TNFRSF21: variants seen among roughly 807,000 people sequenced by gnomAD.
The protein encoded by TNFRSF21 is TNF receptor superfamily member 21, also known as tumor necrosis factor receptor superfamily member 21.
In TNFRSF21, 19 loss-of-function variants were observed where a neutral mutation model predicts 45.6. That is an observed-to-expected ratio of 0.42 (90% CI 0.29 to 0.61). TNFRSF21 has a LOEUF of 0.61. Ranked by LOEUF, TNFRSF21 falls within the 20% of genes least tolerant of loss-of-function variation. The pLI is 0.23. For synonymous variants in TNFRSF21, 314 were observed against 335.5 expected, an observed-to-expected ratio of 0.94 and a Z score of 0.70; for missense variants, 737 against 851.5, an observed-to-expected ratio of 0.87 and a Z score of 1.67.
chr6:47,297,676 C>A (rs1005112980), intron 1 of TNFRSF21, among the ~76,000 whole-genome samples: 15 of 152,120 alleles, frequency 9.9e-5, no homozygotes, highest in African/African-American at 3.4e-4. Flanking sequence ...GCGTGTGCCA[C>A]CATATCCAGC....
rs1464392583 is a variant in TNFRSF21 at position 47,282,638 on chromosome 6, T to C, written c.1243+1300A>G. Among the ~76,000 whole-genome samples, 4 of 152,114 alleles carry C rather than the reference T, an allele frequency of 2.6e-5. No individual in the cohort carries two copies. In the South Asian group the frequency reaches 8.3e-4, roughly 32 times the overall value. ...AAGAAAAAAGAAACCCACACATAAATCCCACCACACTGGGGAAAAAAAATT... is the reference window on the plus strand; with the variant it reads ...AAGAAAAAAGAAACCCACACATAAACCCCACCACACTGGGGAAAAAAAATT... On this transcript the variant is annotated intron_variant, in intron 3 of 5. Coordinates refer to ENST00000296861, the MANE Select transcript of TNFRSF21 (RefSeq NM_014452.5).
intron 3 of TNFRSF21, among the ~76,000 whole-genome samples, chr6:47,263,344 G>A (rs1263326850): frequency 3.9e-5 from 6 of 152,264 alleles, no homozygotes; most frequent in Middle Eastern, 3.4e-3. Flanking sequence ...TATTTCTATC[G>A]TGAGTGCAGG....
chr6:47,300,235 T>C (rs1464971386), intron 1 of TNFRSF21, among the ~76,000 whole-genome samples: 3 of 152,124 alleles, frequency 2.0e-5, no homozygotes, highest in Non-Finnish European at 4.4e-5. Flanking sequence ...CACCCACTGC[T>C]CCCCAAGCCT....
At chr6:47,302,206 C>CA (rs1762873654) in intron 1 of TNFRSF21, among the ~76,000 whole-genome samples, 1 of 152,188 alleles carries the variant, frequency 6.6e-6, no homozygotes, top group Non-Finnish European at 1.5e-5. Flanking sequence ...CACACACAAA[C>CA]ACATGACCTC....
intron 4 of TNFRSF21, among the ~76,000 whole-genome samples, chr6:47,238,184 C>T (rs774801160): frequency 2.6e-5 from 4 of 152,198 alleles, no homozygotes; most frequent in Non-Finnish European, 5.9e-5. Flanking sequence ...TGTAGCAGCT[C>T]TTATTTATAT....
intron 4 of TNFRSF21, 58 bp from the exon 5 acceptor site, chr6:47,234,956 A>ATCCCTCCTCAGAGGCTATTTTT (rs1252774634): frequency 1.5e-5 from 16 of 1,034,268 alleles, no homozygotes; most frequent in Non-Finnish European, 2.1e-5. Context: ...TAAAATTAAA[A>ATCCCTCCTCAGAGGCTATTTTT]TCCCTCCTCA....
Position 47,305,447 on chromosome 6 carries a change from T to C in TNFRSF21, c.96+3969A>G, listed in dbSNP as rs924184714. ...TCTAGGATTGTAGAGCTAAGATATA[T>C]AGGAGAGAGAAAATCTTTTGGATAT... On this transcript the variant is annotated intron_variant, in intron 1 of 5. Coordinates refer to ENST00000296861, the MANE Select transcript of TNFRSF21 (RefSeq NM_014452.5). Among the ~76,000 whole-genome samples, 10 of 152,228 alleles carry C rather than the reference T, an allele frequency of 6.6e-5. No individual in the cohort carries two copies. In the East Asian group the frequency reaches 1.9e-3, roughly 29 times the overall value.
At chr6:47,245,427 A>T (rs1438210898) in intron 4 of TNFRSF21, among the ~76,000 whole-genome samples, 1 of 142,188 alleles carries the variant, frequency 7.0e-6, no homozygotes, top group Non-Finnish European at 1.5e-5. Context: ...ACTAAGAAGA[A>T]GTGTGTGTGT....
At chr6:47,259,110 G>A (rs1256463425) in intron 3 of TNFRSF21, among the ~76,000 whole-genome samples, 1 of 152,226 alleles carries the variant, frequency 6.6e-6, no homozygotes, top group African/African-American at 2.4e-5. Context: ...GACAATGAAA[G>A]TTCCCACCCC....
chr6:47,280,195 G>A (rs192363385), intron 3 of TNFRSF21, among the ~76,000 whole-genome samples: 22 of 152,316 alleles, frequency 1.4e-4, no homozygotes, highest in African/African-American at 5.3e-4. Context: ...GATAAGTGAG[G>A]TTTTAGAAGA....
Position 47,309,637 on chromosome 6 carries a change from C to T in TNFRSF21, c.-126G>A, listed in dbSNP as rs1762989795. On this transcript the variant is annotated 5_prime_UTR_variant, in exon 1 of 6. The change abolishes an upstream ATG in the 5' untranslated region. Coordinates refer to ENST00000296861, the MANE Select transcript of TNFRSF21 (RefSeq NM_014452.5). ...GGGAGCCCATCTACCTCCAACACCC[C>T]ATGTGCACTGCTGCGGCCGGGCAGA... The T allele has an allele frequency of 7.8e-7, 1 of 1,290,064 alleles. No homozygotes were observed. Among genetic ancestry groups the T allele is most frequent in the Non-Finnish European group, 1.0e-6 (1 of 1,004,540 alleles). 79.9% of individuals were successfully genotyped at this position (1,290,064 alleles called of 1,614,324 possible). A position where few individuals can be genotyped will look rare whatever the true frequency, so the allele number is the denominator to read the frequency against.
intron 3 of TNFRSF21, among the ~76,000 whole-genome samples, chr6:47,278,854 C>T (rs1190178483): frequency 6.6e-6 from 1 of 152,220 alleles, no homozygotes; most frequent in African/African-American, 2.4e-5. Flanking sequence ...AAAGGAGATG[C>T]TGCCTATCTA....
Position 47,253,375 on chromosome 6 carries a change from G to GCAGAGCTGCGTAGGCC in TNFRSF21, c.1374_1389dup (p.Gln464GlyfsTer22). 6.2e-7 allele frequency: 1 copy of GCAGAGCTGCGTAGGCC among 1,614,158 alleles called. No individual in the cohort carries two copies. Among genetic ancestry groups the GCAGAGCTGCGTAGGCC allele is most frequent in the Non-Finnish European group, 8.5e-7 (1 of 1,180,024 alleles). On this transcript the variant is annotated frameshift_variant, in exon 4 of 6. Transcript: ENST00000296861. LOFTEE classifies it high-confidence loss of function. ...TCGGGGCCCCGGATGGTCCAGTGCT[G>GCAGAGCTGCGTAGGCC]CAGAGCTGCGTAGGCCCGCTCGTGG...
Position 47,253,385 on chromosome 6 carries a change from G to A in TNFRSF21, c.1380C>T (p.Tyr460=), listed in dbSNP as rs573356920. The part of the protein sequence containing the change: ...NGYTADHERA[Y]AALQHWTIRG... ...GGATGGTCCAGTGCTGCAGAGCTGC[G>A]TAGGCCCGCTCGTGGTCGGCTGTGT... Residue 460 remains tyrosine, a synonymous_variant, in exon 4 of 6, where the codon TAC becomes TAT. Coordinates refer to ENST00000296861, the MANE Select transcript of TNFRSF21 (RefSeq NM_014452.5). The A allele has an allele frequency of 1.2e-5, 19 of 1,614,172 alleles. No homozygotes were observed. Among genetic ancestry groups the A allele is most frequent in the South Asian group, 6.6e-5 (6 of 91,072 alleles).
intron 4 of TNFRSF21, among the ~76,000 whole-genome samples, chr6:47,246,090 G>A (rs193034707): frequency 3.2e-4 from 48 of 152,224 alleles, no homozygotes; most frequent in Non-Finnish European, 3.4e-4. Flanking sequence ...GTTTGGGCAG[G>A]GACACAGACC....
intron 3 of TNFRSF21, among the ~76,000 whole-genome samples, chr6:47,266,994 C>T (rs1228626202): frequency 6.6e-6 from 1 of 152,136 alleles, no homozygotes; most frequent in Non-Finnish European, 1.5e-5. Context: ...GTGCTCCCCA[C>T]CCTACAAGAG....
At chr6:47,264,692 G>A (rs896117238) in intron 3 of TNFRSF21, among the ~76,000 whole-genome samples, 1 of 152,130 alleles carries the variant, frequency 6.6e-6, no homozygotes, top group African/African-American at 2.4e-5. Context: ...CTTTTCTCCT[G>A]CCAACAGTTT....
chr6:47,302,490 C>T lies in TNFRSF21; in HGVS notation c.96+6926G>A, dbSNP rs531652599. Among the ~76,000 whole-genome samples, 27 of 152,240 alleles carry T rather than the reference C, an allele frequency of 1.8e-4. 1 individual carries two copies. The South Asian group carries it at 5.4e-3, about 30-fold the overall frequency. ...TAGCAGGAAAGCAAAGGATCCATTC[C>T]CTATTTATAACATTTCAATTTGCAG... On this transcript the variant is annotated intron_variant, in intron 1 of 5. Coordinates refer to ENST00000296861, the MANE Select transcript of TNFRSF21 (RefSeq NM_014452.5).
At chr6:47,301,792 T>TGTAC (rs1191309601) in intron 1 of TNFRSF21, among the ~76,000 whole-genome samples, 5 of 152,218 alleles carry the variant, frequency 3.3e-5, no homozygotes, top group Non-Finnish European at 7.3e-5. Context: ...CCATGCTTCT[T>TGTAC]GTACAGCCTG....
Sources: gnomAD v4.1 joint callset for allele counts (sites outside exome capture counted in the v4.1 genomes callset) on GRCh38, gnomAD v4.1.1 for gene constraint, MANE v1.5 for transcripts, NCBI Gene and HGNC (gene_info 2026-07-23, HGNC 2026-07-21) for gene names.